The following NHLRC2 variants were observed in gnomAD, a reference collection of about 807,000 sequenced individuals.
The protein encoded by NHLRC2 is NHL repeat-containing protein 2.
Under a neutral mutation model 68.1 loss-of-function variants are expected in NHLRC2, and 33 were observed. That is an observed-to-expected ratio of 0.48 (90% confidence interval 0.37 to 0.65). NHLRC2 has a LOEUF of 0.65. Among genes scored for constraint, NHLRC2 ranks in the 30% least tolerant of loss-of-function variants. NHLRC2 has a pLI of 0.00. For missense variants in NHLRC2, 761 were observed against 853.8 expected, an observed-to-expected ratio of 0.89 and a Z score of 1.35; for synonymous variants, 311 against 309.6, an observed-to-expected ratio of 1.00 and a Z score of -0.05.
In NHLRC2 at chr10:113,908,589, C is replaced by T; in HGVS notation, c.*53C>T. The T allele has an allele frequency of 6.3e-7, 1 of 1,585,534 alleles. No individual in the cohort carries two copies. On this transcript the variant is annotated 3_prime_UTR_variant, in exon 11 of 11. Coordinates refer to ENST00000369301, the MANE Select transcript of NHLRC2 (RefSeq NM_198514.4). ...CACCACCTACTGTCTCCCATCCTGA[C>T]TATCACTGTAATTTAAGGAAAGAAA...
intron 1 of NHLRC2, among the ~76,000 whole-genome samples, chr10:113,856,482 C>T (rs1381457697): frequency 1.6e-5 from 1 of 62,190 alleles, no homozygotes; most frequent in Admixed American, 2.3e-4. Flanking sequence ...AATGCTTATC[C>T]CATCAAACTT....
rs71007440 is a variant in NHLRC2 at position 113,864,694 on chromosome 10, T to TA, written c.331+6029dup. Among the ~76,000 whole-genome samples the TA allele has an allele frequency of 7.5e-3, 1,056 of 140,506 alleles. 14 individuals carry two copies. Among genetic ancestry groups the TA allele is most frequent in the African/African-American group, 0.025 (934 of 37,384 alleles). The allele number at this position is 140,506 out of a possible 152,430, so 92.2% of individuals were successfully genotyped here. ...CCTTTCGACAGAGCAAGACTCCGTC[T>TA]AAAAAAAAAAAAAAACCACACACAC... On this transcript the variant is annotated intron_variant, in intron 2 of 10. Coordinates refer to ENST00000369301, the MANE Select transcript of NHLRC2 (RefSeq NM_198514.4).
At position 113,904,857 on chromosome 10, in the gene NHLRC2, C is replaced by T. The variant is rs370450558; in HGVS notation, c.1745C>T (p.Pro582Leu). Residue 582 changes from proline (P) to leucine (L), a missense_variant, in exon 10 of 11, where the codon CCG becomes CTG. Physicochemically the swap from Pro to Leu is moderately conservative, Grantham distance 98. Transcript: ENST00000369301. ...TCTGAAAATGCTGTGGTAGATGGCC[C>T]GTTCCTAGTAGAAAAACAGAAGACA... is the stretch of plus-strand genomic sequence containing the variant. ...FRSENAVVDG[P>L]FLVEKQKTLP... 3.0e-5 allele frequency: 48 copies of T among 1,613,410 alleles called. No individual in the cohort carries two copies. In the African/African-American group the frequency reaches 3.5e-4, roughly 12 times the overall value.
chr10:113,866,839 A>T (rs1272656672), intron 2 of NHLRC2, among the ~76,000 whole-genome samples: 1 of 151,766 alleles, frequency 6.6e-6, no homozygotes, highest in East Asian at 1.9e-4. Flanking sequence ...ATATTATAGC[A>T]AAAAGATACC....
rs1380474327 is a variant in NHLRC2, at chr10:113,908,592, T to C, written c.*56T>C. On this transcript the variant is annotated 3_prime_UTR_variant, in exon 11 of 11. Transcript: ENST00000369301. ...CACCTACTGTCTCCCATCCTGACTA[T>C]CACTGTAATTTAAGGAAAGAAAACT... is the stretch of plus-strand genomic sequence containing the variant. 7.6e-6 allele frequency: 12 copies of C among 1,580,538 alleles called. No homozygotes were observed. In the East Asian group the frequency reaches 2.7e-4, roughly 36 times the overall value.
chr10:113,867,328 T>G (rs1478809467), intron 2 of NHLRC2, among the ~76,000 whole-genome samples: 1 of 152,272 alleles, frequency 6.6e-6, no homozygotes, highest in African/African-American at 2.4e-5. Context: ...TGTCTATTTA[T>G]TCTATGTTCT....
At chr10:113,882,500 T>C (rs1846044134) in intron 4 of NHLRC2, among the ~76,000 whole-genome samples, 2 of 151,838 alleles carry the variant, frequency 1.3e-5, no homozygotes, top group Non-Finnish European at 3.0e-5. Context: ...TTTTATATCT[T>C]TGAGAAGTGT....
intron 3 of NHLRC2, among the ~76,000 whole-genome samples, chr10:113,878,806 G>A (rs548252431): frequency 6.6e-6 from 1 of 152,298 alleles, no homozygotes; most frequent in Admixed American, 6.5e-5. Context: ...TGAGATTACA[G>A]ACGTGAGCCA....
At chr10:113,896,888 G>A (rs1846182695) in intron 5 of NHLRC2, among the ~76,000 whole-genome samples, 2 of 151,750 alleles carry the variant, frequency 1.3e-5, no homozygotes, top group Non-Finnish European at 2.9e-5. Flanking sequence ...CAGCTACTCG[G>A]GAGGCTGAGG....
intron 7 of NHLRC2, 37 bp downstream of exon 7, chr10:113,901,934 C>T (rs1846233177): frequency 7.5e-7 from 1 of 1,339,310 alleles, no homozygotes; most frequent in Non-Finnish European, 1.1e-6. Context: ...CGCTCGGACA[C>T]TGAGCAAGCT....
rs1436546114 is a variant in NHLRC2, at chr10:113,913,745, C to G, written c.*5209C>G. 1 of 152,092 alleles carries G rather than the reference C, an allele frequency of 6.6e-6. No individual in the cohort carries two copies. The highest frequency in any genetic ancestry group is 2.4e-5 in the African/African-American group (1 of 41,414). The allele number at this position is 152,092 out of a possible 1,614,324, so 9.4% of individuals were successfully genotyped here. A position where few individuals can be genotyped will look rare whatever the true frequency, so the allele number is the denominator to read the frequency against. On this transcript the variant is annotated 3_prime_UTR_variant, in exon 11 of 11. Coordinates refer to ENST00000369301, the MANE Select transcript of NHLRC2 (RefSeq NM_198514.4). Reference sequence around the variant, plus strand: ...ATAAATAACACTGGTATGCAGACCCCTCCCCATGACTCAAATATTAATATA... The same window carrying G: ...ATAAATAACACTGGTATGCAGACCCGTCCCCATGACTCAAATATTAATATA...
intron 7 of NHLRC2, among the ~76,000 whole-genome samples, chr10:113,902,268 C>T (rs1002837307): frequency 2.0e-5 from 3 of 152,158 alleles, no homozygotes; most frequent in Admixed American, 2.0e-4. Context: ...AACTACTAAG[C>T]ACCACCAATT....
chr10:113,864,967 T>A (rs1845851339), intron 2 of NHLRC2, among the ~76,000 whole-genome samples: 1 of 151,564 alleles, frequency 6.6e-6, no homozygotes, highest in African/African-American at 2.4e-5. Flanking sequence ...TTTTTTTTTT[T>A]GAGACAGAGT....
chr10:113,898,291 T>G (rs1846194079), intron 6 of NHLRC2, 82 bp downstream of exon 6: 1 of 858,206 alleles, frequency 1.2e-6, no homozygotes, highest in African/African-American at 1.7e-5. Flanking sequence ...CCATCCTCAC[T>G]GTACCAGTCA....
intron 2 of NHLRC2, among the ~76,000 whole-genome samples, chr10:113,868,032 G>C (rs1845885734): frequency 6.6e-6 from 1 of 152,058 alleles, no homozygotes; most frequent in African/African-American, 2.4e-5. Context: ...TCTGTTGCCT[G>C]GGCTGGATTT....
chr10:113,866,411 T>C (rs1015470851), intron 2 of NHLRC2, among the ~76,000 whole-genome samples: 1 of 152,232 alleles, frequency 6.6e-6, no homozygotes, highest in African/African-American at 2.4e-5. Context: ...TATGTTATTA[T>C]GTAGTACTGA....
chr10:113,879,823 G>C (rs1846021036), intron 4 of NHLRC2, 128 bp downstream of exon 4: 1 of 573,322 alleles, frequency 1.7e-6, no homozygotes, highest in African/African-American at 2.0e-5. Context: ...CTTTTCTTGA[G>C]GTACGTACTT....
At chr10:113,871,988 G>T (rs568221632) in intron 2 of NHLRC2, among the ~76,000 whole-genome samples, 1 of 152,178 alleles carries the variant, frequency 6.6e-6, no homozygotes, top group African/African-American at 2.4e-5. Context: ...AACAAGCAGA[G>T]TGGTTCAGAG....
rs1189197935 is a variant in NHLRC2 at position 113,913,707 on chromosome 10, GC to G, written c.*5172del. The G allele has an allele frequency of 6.6e-6, 1 of 152,078 alleles. No homozygotes were observed. The highest frequency in any genetic ancestry group is 6.6e-5 in the Admixed American group (1 of 15,258). The allele number at this position is 152,078 out of a possible 1,614,324, so 9.4% of individuals were successfully genotyped here. A position where few individuals can be genotyped will look rare whatever the true frequency, so the allele number is the denominator to read the frequency against. On this transcript the variant is annotated 3_prime_UTR_variant, in exon 11 of 11. Transcript: ENST00000369301. ...GTGAGCTCTGGAAATACAGTCTTCT[GC>G]TTTCTTGTTTCATAAATAACACTGG...
Sources: gnomAD v4.1 joint callset for allele counts (sites outside exome capture counted in the v4.1 genomes callset) on GRCh38, gnomAD v4.1.1 for gene constraint, MANE v1.5 for transcripts, NCBI Gene and HGNC (gene_info 2026-07-23, HGNC 2026-07-21) for gene names.